The following GTF3C4 variants were observed in gnomAD, a reference collection of about 807,000 sequenced individuals.
GTF3C4 encodes general transcription factor 3C polypeptide 4.
In GTF3C4, 28 loss-of-function variants were observed where a neutral mutation model predicts 67.5. The ratio of observed to expected loss-of-function variants is 0.41; its 90% CI spans 0.31 to 0.57. GTF3C4 has a LOEUF of 0.57. Among genes scored for constraint, GTF3C4 ranks in the 20% least tolerant of loss-of-function variants. GTF3C4 has a pLI of 0.21. For synonymous variants in GTF3C4, 409 were observed against 393.0 expected (o/e 1.04, Z -0.48); for missense variants, 831 against 1,033.2 (o/e 0.80, Z 2.68).
At position 132,670,546 on chromosome 9, in the gene GTF3C4, G is replaced by C; in HGVS notation, c.-53G>C. On this transcript the variant is annotated 5_prime_UTR_variant, in exon 1 of 5. Transcript: ENST00000372146. ...GGTGGCGGCGGCGGTCCGGGAGGTGGTCGCGCGACTGCGTGGAGCGCCAGG... is the reference window on the plus strand; with the variant it reads ...GGTGGCGGCGGCGGTCCGGGAGGTGCTCGCGCGACTGCGTGGAGCGCCAGG... The C allele has an allele frequency of 7.7e-7, 1 of 1,303,330 alleles. No homozygotes were observed. Among genetic ancestry groups the C allele is most frequent in the South Asian group, 1.7e-5 (1 of 58,696 alleles). 80.7% of individuals were successfully genotyped at this position (1,303,330 alleles called of 1,614,324 possible). A position where few individuals can be genotyped will look rare whatever the true frequency, so the allele number is the denominator to read the frequency against.
In GTF3C4 at chr9:132,685,163, C is replaced by T. The variant is rs569828759; in HGVS notation, c.2315+1470C>T. Among the ~76,000 whole-genome samples the T allele has an allele frequency of 7.2e-5, 11 of 151,762 alleles. 1 individual carries two copies. The South Asian group carries it at 2.3e-3, about 32-fold the overall frequency. The stretch of plus-strand genomic sequence containing the variant: ...CCCTATAGCTGGAACTACAGGCATG[C>T]GCCACCACACCCGGCTAATTTTTTT... On this transcript the variant is annotated intron_variant, in intron 3 of 4. Coordinates refer to ENST00000372146, the MANE Select transcript of GTF3C4 (RefSeq NM_012204.4).
At chr9:132,670,994 C>A in intron 1 of GTF3C4, 39 bp downstream of exon 1, 1 of 1,382,456 alleles carries the variant, frequency 7.2e-7, no homozygotes, top group Non-Finnish European at 1.0e-6. Context: ...CTTCCCCTGT[C>A]CCCCTCTCGC....
chr9:132,679,947 A>G lies in GTF3C4; in HGVS notation c.2184+144A>G, dbSNP rs904736535. On this transcript the variant is annotated intron_variant, in intron 2 of 4. Coordinates refer to ENST00000372146, the MANE Select transcript of GTF3C4 (RefSeq NM_012204.4). The surrounding 1 kb of genome is among the most constrained non-coding windows in gnomAD (Gnocchi z 5.9). ...ATTTGCTTGAGGTGCAGGGTAATAA[A>G]TAGGAAGCGTGGATTAATGCAGAGG... 3.0e-5 allele frequency: 20 copies of G among 658,518 alleles called. No individual in the cohort carries two copies. The highest frequency in any genetic ancestry group is 3.8e-5 in the Non-Finnish European group (15 of 393,770). 40.8% of individuals were successfully genotyped at this position (658,518 alleles called of 1,614,324 possible).
chr9:132,672,925 CT>C (rs1472465099), intron 1 of GTF3C4, among the ~76,000 whole-genome samples: 1 of 152,218 alleles, frequency 6.6e-6, no homozygotes, highest in Non-Finnish European at 1.5e-5. Flanking sequence ...TGGCTCACGC[CT>C]GTAATCCCAG....
chr9:132,670,329 TA>T, upstream of GTF3C4: 1 of 1,451,318 alleles, frequency 6.9e-7, no homozygotes. Flanking sequence ...GGTAGCTCCC[TA>T]ACAGGCTCTG....
chr9:132,672,711 A>G (rs1434358268), intron 1 of GTF3C4, among the ~76,000 whole-genome samples: 1 of 152,230 alleles, frequency 6.6e-6, no homozygotes, highest in Non-Finnish European at 1.5e-5. Flanking sequence ...TACTGGATAG[A>G]GGCAAGAAGA....
intron 2 of GTF3C4, among the ~76,000 whole-genome samples, chr9:132,682,952 G>A (rs555545904): frequency 6.6e-6 from 1 of 152,210 alleles, no homozygotes; most frequent in Admixed American, 6.5e-5. Context: ...GCAAAGAAAG[G>A]CCTAGAGCCT....
rs749801864 is a variant in GTF3C4, at chr9:132,679,114, A to G, written c.1495A>G (p.Asn499Asp). 1.8e-5 allele frequency: 29 copies of G among 1,614,080 alleles called. No homozygotes were observed. The highest frequency in any genetic ancestry group is 2.3e-5 in the Non-Finnish European group (27 of 1,180,036). The change falls in exon 2 of 5, where the codon AAC becomes GAC. Residue 499 changes from asparagine to aspartate, a missense_variant. Around this residue, in one of 4 missense-constraint regions of GTF3C4, gnomAD observed 390 missense variants for 540.3 expected, o/e 0.72. Transcript: ENST00000372146. The surrounding 1 kb of genome is among the most constrained non-coding windows in gnomAD (Gnocchi z 5.9). ...LAIITTEGMI[N>D]GLHPVNKNYQ... Reference sequence around the variant, plus strand: ...CATCATCACCACTGAGGGCATGATCAACGGCCTCCACCCTGTTAACAAAAA... The same window carrying G: ...CATCATCACCACTGAGGGCATGATCGACGGCCTCCACCCTGTTAACAAAAA...
At chr9:132,671,310 A>C (rs1023484360) in intron 1 of GTF3C4, among the ~76,000 whole-genome samples, 2 of 151,616 alleles carry the variant, frequency 1.3e-5, no homozygotes, top group Non-Finnish European at 2.9e-5. Flanking sequence ...TGTAGATCCA[A>C]CCCGGGGCCT....
intron 3 of GTF3C4, among the ~76,000 whole-genome samples, chr9:132,686,787 G>C (rs1162604074): frequency 6.6e-6 from 1 of 152,192 alleles, no homozygotes; most frequent in East Asian, 1.9e-4. Flanking sequence ...TGTATTCCCA[G>C]CTACTTGGGA....
In GTF3C4 at chr9:132,678,897, T is replaced by C; in HGVS notation, c.1278T>C (p.Ile426=). Residue 426 remains isoleucine, a synonymous_variant, in exon 2 of 5, where the codon ATT becomes ATC. Transcript: ENST00000372146. This position sits in a 1 kb window ranked among gnomAD's most constrained non-coding sequence, Gnocchi z 6.5. ...SHVTGLHSLP[I]VSMTADKQNG... ...TCACAGGCCTTCACTCACTGCCAAT[T>C]GTCTCCATGACTGCAGACAAACAGA... The C allele has an allele frequency of 6.2e-7, 1 of 1,614,240 alleles. No individual in the cohort carries two copies. The highest frequency in any genetic ancestry group is 8.5e-7 in the Non-Finnish European group (1 of 1,180,040).
intron 2 of GTF3C4, among the ~76,000 whole-genome samples, chr9:132,680,714 T>C (rs456042): frequency 0.48 from 72,408 of 152,176 alleles, 17,997 homozygotes; most frequent in African/African-American, 0.61. Context: ...TGTATGTTTG[T>C]GTACACACGT....
At chr9:132,675,620 A>G (rs1835852539) in intron 1 of GTF3C4, among the ~76,000 whole-genome samples, 1 of 152,168 alleles carries the variant, frequency 6.6e-6, no homozygotes, top group East Asian at 1.9e-4. Context: ...GTAGGTCTTT[A>G]TAGTAGTTCC....
At chr9:132,674,667 C>A (rs964840990) in intron 1 of GTF3C4, among the ~76,000 whole-genome samples, 6 of 152,200 alleles carry the variant, frequency 3.9e-5, no homozygotes, top group African/African-American at 1.4e-4. Context: ...ATCTACCTTT[C>A]ATTTGGTACA....
At chr9:132,676,228 T>C (rs756699744) in intron 1 of GTF3C4, among the ~76,000 whole-genome samples, 1 of 151,752 alleles carries the variant, frequency 6.6e-6, no homozygotes, top group South Asian at 2.1e-4. Context: ...TCATCACTCC[T>C]GTCTGCACAA....
intron 3 of GTF3C4, among the ~76,000 whole-genome samples, chr9:132,686,110 CT>C (rs1402632310): frequency 3.9e-5 from 5 of 126,902 alleles, no homozygotes; most frequent in Non-Finnish European, 8.1e-5. Context: ...ATCATGATTA[CT>C]TTTGTTTTTA....
In GTF3C4 at chr9:132,690,712, T is replaced by C. The variant is rs1047907788; in HGVS notation, c.*1767T>C. 1.8e-4 allele frequency: 28 copies of C among 152,342 alleles called. No individual in the cohort carries two copies. Among genetic ancestry groups the C allele is most frequent in the Admixed American group, 8.5e-4 (13 of 15,306 alleles). The allele number at this position is 152,342 out of a possible 1,614,324, so 9.4% of individuals were successfully genotyped here. A position where few individuals can be genotyped will look rare whatever the true frequency, so the allele number is the denominator to read the frequency against. The stretch of plus-strand genomic sequence containing the variant: ...TTTTCAAGAAAGAAACCAAGCAGCA[T>C]TGAAATCATGAGTAACAGAATTCAG... On this transcript the variant is annotated 3_prime_UTR_variant, in exon 5 of 5. Transcript: ENST00000372146.
chr9:132,688,934 C>T lies in GTF3C4; in HGVS notation c.2458C>T (p.Pro820Ser). The change falls in exon 5 of 5, where the codon CCT (proline) becomes TCT (serine). Residue 820 changes from proline (P) to serine (S), a missense_variant. Around this residue, in one of 4 missense-constraint regions of GTF3C4, gnomAD observed 129 missense variants for 213.8 expected, o/e 0.60. Coordinates refer to ENST00000372146, the MANE Select transcript of GTF3C4 (RefSeq NM_012204.4). ...LQSPCPFCDS[P>S]VF Reference sequence around the variant, plus strand: ...AAGCCCCTGCCCTTTCTGTGATTCTCCTGTCTTCTAAATAATCAGTGACGG... The same window carrying T: ...AAGCCCCTGCCCTTTCTGTGATTCTTCTGTCTTCTAAATAATCAGTGACGG... The T allele has an allele frequency of 6.2e-7, 1 of 1,610,580 alleles. No individual in the cohort carries two copies. The highest frequency in any genetic ancestry group is 8.5e-7 in the Non-Finnish European group (1 of 1,176,872).
At position 132,670,720 on chromosome 9, in the gene GTF3C4, C is replaced by T. The variant is rs1465576302; in HGVS notation, c.122C>T (p.Pro41Leu). Reference protein sequence around the residue: ...GGKEPAADAAPGPSAAFRLMV... With the variant: ...GGKEPAADAALGPSAAFRLMV... Reference sequence around the variant, plus strand: ...AAGGAGCCAGCAGCGGACGCGGCCCCGGGGCCCAGCGCTGCATTCCGCCTC... The same window carrying T: ...AAGGAGCCAGCAGCGGACGCGGCCCTGGGGCCCAGCGCTGCATTCCGCCTC... Residue 41 changes from proline to leucine, a missense_variant, in exon 1 of 5, where the codon CCG becomes CTG. Transcript: ENST00000372146. 3.3e-6 allele frequency: 5 copies of T among 1,528,386 alleles called. No homozygotes were observed. The Admixed American group carries it at 6.1e-5, about 19-fold the overall frequency. 94.7% of individuals were successfully genotyped at this position (1,528,386 alleles called of 1,614,324 possible). A position where few individuals can be genotyped will look rare whatever the true frequency, so the allele number is the denominator to read the frequency against.
Sources: allele counts gnomAD v4.1 joint callset (sites outside exome capture counted in the v4.1 genomes callset), GRCh38; gene constraint gnomAD v4.1.1; regional missense constraint gnomAD v4.1.1; non-coding constraint Gnocchi (gnomAD v3.1); transcripts MANE v1.5; gene names NCBI Gene and HGNC (gene_info 2026-07-23, HGNC 2026-07-21).